Variants in SGIP1 observed in about 807,000 individuals in gnomAD.
SGIP1 encodes the protein SH3-containing GRB2-like protein 3-interacting protein 1.
A neutral mutation model predicts 107.5 loss-of-function variants in SGIP1; 38 were observed. The observed-to-expected ratio is 0.35, with a 90% CI of 0.27 to 0.46. The LOEUF is 0.46. SGIP1 is among the 20% of genes least tolerant of loss of function. The pLI, the probability that SGIP1 is intolerant of heterozygous loss-of-function variation, is 1.00. For missense variants in SGIP1, 929 were observed against 1,019.5 expected, an observed-to-expected ratio of 0.91 and a Z score of 1.21; for synonymous variants, 365 against 366.1, an observed-to-expected ratio of 1.00 and a Z score of 0.03.
rs58928879 is a variant in SGIP1 at position 66,651,493 on chromosome 1, G to GA, written c.459+7782dup. Among the ~76,000 whole-genome samples the GA allele has an allele frequency of 6.4e-3, 979 of 151,858 alleles. 13 individuals carry two copies. Among genetic ancestry groups the GA allele is most frequent in the African/African-American group, 0.022 (916 of 41,440 alleles). On this transcript the variant is annotated intron_variant, in intron 7 of 24. Coordinates refer to ENST00000371037, the MANE Select transcript of SGIP1 (RefSeq NM_032291.4). ...ATGAAAGCCATTGACTCTCTTTCTA[G>GA]AAAAAAAAGTTCACTAGCTCATTCA... is the stretch of plus-strand genomic sequence containing the variant.
chr1:66,742,410 C>T lies in SGIP1; in HGVS notation c.2465-663C>T, dbSNP rs574856472. ...ATGTAATTATTAATTATACCCTTTT[C>T]GCTCTCAAAAATGATCCAAATTGGA... On this transcript the variant is annotated intron_variant, in intron 24 of 24. Coordinates refer to ENST00000371037, the MANE Select transcript of SGIP1 (RefSeq NM_032291.4). Among the ~76,000 whole-genome samples, 202 of 147,392 alleles carry T rather than the reference C, an allele frequency of 1.4e-3. 3 individuals are homozygous for T. In the South Asian group the frequency reaches 0.042, roughly 31 times the overall value.
At chr1:66,687,820 G>C (rs748896033) in intron 15 of SGIP1, among the ~76,000 whole-genome samples, 21 of 152,186 alleles carry the variant, frequency 1.4e-4, no homozygotes, top group Non-Finnish European at 2.6e-4. Flanking sequence ...AGAGGAAGGT[G>C]GAGACAGAGA....
Position 66,537,138 on chromosome 1 carries a change from G to C in SGIP1, c.10+2770G>C, listed in dbSNP as rs2053815187. 3.3e-5 allele frequency among the ~76,000 whole-genome samples: 5 copies of C among 152,164 alleles called. 1 individual carries two copies. The South Asian group carries it at 1.0e-3, about 31-fold the overall frequency. On this transcript the variant is annotated intron_variant, in intron 1 of 24. Coordinates refer to ENST00000371037, the MANE Select transcript of SGIP1 (RefSeq NM_032291.4). ...CCCAGGGACCACAAGCAGGTGATTA[G>C]TGGTTTGTGGCTCCATGGTTCTTTT...
At chr1:66,578,732 T>C (rs1039899421) in intron 1 of SGIP1, among the ~76,000 whole-genome samples, 7 of 152,218 alleles carry the variant, frequency 4.6e-5, no homozygotes, top group African/African-American at 1.7e-4. Flanking sequence ...AGTGCAATGG[T>C]GCAATCTCAG....
chr1:66,650,297 G>A (rs1292425880), intron 7 of SGIP1, among the ~76,000 whole-genome samples: 1 of 152,126 alleles, frequency 6.6e-6, no homozygotes, highest in Non-Finnish European at 1.5e-5. Flanking sequence ...GAGACTTATT[G>A]AAGGCTAACA....
At chr1:66,568,716 C>T (rs370294756) in intron 1 of SGIP1, among the ~76,000 whole-genome samples, 22 of 151,878 alleles carry the variant, frequency 1.4e-4, no homozygotes, top group Non-Finnish European at 2.1e-4. Context: ...GTTCAACATA[C>T]GCAAATCAAT....
At chr1:66,686,858 A>G (rs979991874) in intron 15 of SGIP1, among the ~76,000 whole-genome samples, 1 of 152,266 alleles carries the variant, frequency 6.6e-6, no homozygotes, top group African/African-American at 2.4e-5. Context: ...ATCAAAAAAC[A>G]CAATCTTAAT....
At chr1:66,550,588 G>A (rs12057477) in intron 1 of SGIP1, among the ~76,000 whole-genome samples, 3,998 of 152,132 alleles carry the variant, frequency 0.026, 164 homozygotes, top group African/African-American at 0.09. Flanking sequence ...TCCCCCAAGA[G>A]GAGGGAATAT....
At chr1:66,604,657 T>C (rs771949982) in intron 1 of SGIP1, among the ~76,000 whole-genome samples, 24 of 152,316 alleles carry the variant, frequency 1.6e-4, no homozygotes, top group Non-Finnish European at 3.2e-4. Context: ...TGATGAAGTA[T>C]GTGATGTAAT....
chr1:66,646,533 T>C (rs985119585), intron 7 of SGIP1, among the ~76,000 whole-genome samples: 1 of 152,204 alleles, frequency 6.6e-6, no homozygotes, highest in Non-Finnish European at 1.5e-5. Flanking sequence ...CATTTATTTG[T>C]TAATATGTAT....
chr1:66,725,696 G>A (rs904930110), intron 19 of SGIP1, among the ~76,000 whole-genome samples: 6 of 152,222 alleles, frequency 3.9e-5, no homozygotes, highest in East Asian at 1.9e-4. Flanking sequence ...GACTTCAGGC[G>A]AAGGCAGTGA....
Position 66,741,266 on chromosome 1 carries a change from T to C in SGIP1, c.2300-6T>C, listed in dbSNP as rs1412647251. ...TGTTACCTTGTAATAATGTGTTTTT[T>C]TTTAGGGGTGGGTTCTTTGTTGGCA... On this transcript the variant is annotated splice_polypyrimidine_tract_variant and splice_region_variant and intron_variant, in intron 23 of 24. Transcript: ENST00000371037. 1 of 1,569,204 alleles carries C rather than the reference T, an allele frequency of 6.4e-7. No homozygotes were observed. The highest frequency in any genetic ancestry group is 8.6e-7 in the Non-Finnish European group (1 of 1,160,918).
intron 1 of SGIP1, among the ~76,000 whole-genome samples, chr1:66,570,290 GT>G (rs1257118151): frequency 5.9e-5 from 9 of 151,768 alleles, no homozygotes; most frequent in Admixed American, 2.6e-4. Context: ...AACTTCCCCT[GT>G]TTTGTTTGGA....
intron 22 of SGIP1, among the ~76,000 whole-genome samples, chr1:66,740,447 A>G (rs2094412263): frequency 6.6e-6 from 1 of 151,974 alleles, no homozygotes; most frequent in African/African-American, 2.4e-5. Context: ...TGTTCATCTC[A>G]TGGTGTTCTA....
At chr1:66,578,996 G>T (rs918785773) in intron 1 of SGIP1, among the ~76,000 whole-genome samples, 16 of 152,108 alleles carry the variant, frequency 1.1e-4, no homozygotes, top group African/African-American at 1.7e-4. Context: ...GAATTAGGGG[G>T]TATATCTACA....
chr1:66,675,736 T>TGG (rs2085164516), intron 12 of SGIP1, among the ~76,000 whole-genome samples: 1 of 151,654 alleles, frequency 6.6e-6, no homozygotes, highest in Non-Finnish European at 1.5e-5. Context: ...GGTTTCACCA[T>TGG]GTTGCCCAGC....
chr1:66,660,489 T>G (rs1479675592), intron 7 of SGIP1, 24 bp from the exon 8 acceptor site: 1 of 1,606,752 alleles, frequency 6.2e-7, no homozygotes, highest in Non-Finnish European at 8.5e-7. Flanking sequence ...TCTTTATTCT[T>G]CCTCCCCATG....
At position 66,589,208 on chromosome 1, in the gene SGIP1, A is replaced by ATGTGTGTGTGTGTG. The variant is rs1453675527; in HGVS notation, c.11-36638_11-36637insGTGTGTGTGTGTGT. On this transcript the variant is annotated intron_variant, in intron 1 of 24. Transcript: ENST00000371037. ...TATATATATATATATATATATATAT[A>ATGTGTGTGTGTGTG]TATATATATGTAAGGCTTGGGGTAA... Among the ~76,000 whole-genome samples the ATGTGTGTGTGTGTG allele has an allele frequency of 1.7e-3, 146 of 87,554 alleles. 4 individuals carry two copies. The highest frequency in any genetic ancestry group is 4.8e-3 in the East Asian group (16 of 3,300). The allele number at this position is 87,554 out of a possible 152,430, so 57.4% of individuals were successfully genotyped here.
At chr1:66,692,450 G>A (rs766169692) in intron 17 of SGIP1, among the ~76,000 whole-genome samples, 3 of 152,036 alleles carry the variant, frequency 2.0e-5, no homozygotes, top group Non-Finnish European at 2.9e-5. Flanking sequence ...CTCCTGCCTC[G>A]TCTTTTCACC....
Sources: allele counts gnomAD v4.1 joint callset (sites outside exome capture counted in the v4.1 genomes callset), GRCh38; gene constraint gnomAD v4.1.1; transcripts MANE v1.5; gene names NCBI Gene and HGNC (gene_info 2026-07-23, HGNC 2026-07-21).